The following ACYP2 variants were observed in gnomAD, a reference collection of about 807,000 sequenced individuals.
ACYP2 encodes acylphosphatase 2.
A neutral mutation model predicts 11.2 loss-of-function variants in ACYP2; 12 were observed. The observed-to-expected ratio is 1.08, with a 90% confidence interval of 0.69 to 1.74. ACYP2 has a LOEUF of 1.74. Among genes scored for constraint, ACYP2 ranks in the 40% most tolerant of loss-of-function variants. The probability of loss-of-function intolerance (pLI) is 0.00; values close to 1 mark genes in which losing one functional copy is unlikely to be tolerated. For synonymous variants in ACYP2, 43 were observed against 32.2 expected (o/e 1.33, Z -1.13); for missense variants, 134 against 101.9 (o/e 1.31, Z -1.35).
intron 6 of ACYP2, among the ~76,000 whole-genome samples, chr2:54,196,778 C>T (rs1482271126): frequency 1.3e-5 from 2 of 152,196 alleles, no homozygotes; most frequent in Non-Finnish European, 2.9e-5. Flanking sequence ...GGGATGAAAT[C>T]GCCCCCAGAG....
chr2:54,003,628 T>C (rs890698936), intron 2 of ACYP2, among the ~76,000 whole-genome samples: 3 of 152,216 alleles, frequency 2.0e-5, no homozygotes, highest in Non-Finnish European at 2.9e-5. Flanking sequence ...TATATATCCA[T>C]TTACCTATTG....
chr2:54,231,944 T>G lies in ACYP2; in HGVS notation c.405-72744T>G, dbSNP rs529516404. Among the ~76,000 whole-genome samples, 34 of 152,372 alleles carry G rather than the reference T, an allele frequency of 2.2e-4. No homozygotes were observed. In the East Asian group the frequency reaches 6.4e-3, roughly 28 times the overall value. On this transcript the variant is annotated intron_variant, in intron 6 of 6. Transcript: ENST00000607452. ...AATCCTTTCAGGAAATTTTGGTTTC[T>G]GACTTTCTACCATGACTTTGACCTA...
intron 6 of ACYP2, among the ~76,000 whole-genome samples, chr2:54,290,677 T>TCC (rs1013435750): frequency 1.5e-4 from 23 of 151,954 alleles, no homozygotes; most frequent in African/African-American, 5.6e-4. Context: ...GCTAATGGCA[T>TCC]CCCCCAACCC....
At chr2:54,071,587 T>C (rs1272051333) in intron 4 of ACYP2, among the ~76,000 whole-genome samples, 4 of 152,120 alleles carry the variant, frequency 2.6e-5, no homozygotes, top group Non-Finnish European at 5.9e-5. Context: ...CACCTCGGCC[T>C]TCTGAGTAGC....
intron 2 of ACYP2, among the ~76,000 whole-genome samples, chr2:54,031,864 A>C (rs571264601): frequency 5.3e-5 from 8 of 152,260 alleles, no homozygotes; most frequent in East Asian, 3.9e-4. Context: ...ATTTGCATTT[A>C]TCTGATGGCC....
At chr2:54,211,038 C>T (rs1001251553) in intron 6 of ACYP2, among the ~76,000 whole-genome samples, 3 of 152,188 alleles carry the variant, frequency 2.0e-5, no homozygotes, top group Non-Finnish European at 4.4e-5. Flanking sequence ...GTACAGATTT[C>T]CCTGAAGTCA....
intron 6 of ACYP2, among the ~76,000 whole-genome samples, chr2:54,233,157 C>A (rs1376950684): frequency 6.6e-6 from 1 of 151,770 alleles, no homozygotes; most frequent in Non-Finnish European, 1.5e-5. Flanking sequence ...AAGTTACACT[C>A]ATTTTTAAAA....
intron 4 of ACYP2, among the ~76,000 whole-genome samples, chr2:54,060,948 AT>A (rs1292365245): frequency 6.6e-6 from 1 of 151,904 alleles, no homozygotes; most frequent in East Asian, 1.9e-4. Flanking sequence ...GTTTTATACC[AT>A]TTTTAGATGA....
intron 6 of ACYP2, among the ~76,000 whole-genome samples, chr2:54,175,456 T>C (rs1683418593): frequency 1.3e-5 from 2 of 152,128 alleles, no homozygotes; most frequent in African/African-American, 4.8e-5. Flanking sequence ...GGTCTATCAA[T>C]TTTGTTGATC....
At chr2:54,244,419 C>G (rs1485751073) in intron 6 of ACYP2, among the ~76,000 whole-genome samples, 2 of 152,120 alleles carry the variant, frequency 1.3e-5, no homozygotes, top group African/African-American at 4.8e-5. Flanking sequence ...CCAGGCTTGT[C>G]TCGAACTCCT....
intron 6 of ACYP2, among the ~76,000 whole-genome samples, chr2:54,157,485 T>A (rs1285629910): frequency 1.3e-5 from 2 of 152,208 alleles, no homozygotes; most frequent in Non-Finnish European, 2.9e-5. Flanking sequence ...TTTCTGCAGT[T>A]TTTTTGCTAT....
intron 6 of ACYP2, among the ~76,000 whole-genome samples, chr2:54,183,038 C>CA (rs1386670418): frequency 6.6e-6 from 1 of 152,172 alleles, no homozygotes; most frequent in Non-Finnish European, 1.5e-5. Context: ...ATAAACGGCC[C>CA]ACGATCCTTA....
intron 6 of ACYP2, among the ~76,000 whole-genome samples, chr2:54,295,268 C>T (rs1461200861): frequency 6.6e-6 from 1 of 152,200 alleles, no homozygotes. Flanking sequence ...TCACCTGCTT[C>T]TATTCGGGTC....
At chr2:54,060,254 C>CTCTTTTTGGCTA (rs1310024964) in intron 4 of ACYP2, among the ~76,000 whole-genome samples, 1 of 151,958 alleles carries the variant, frequency 6.6e-6, no homozygotes, top group Non-Finnish European at 1.5e-5. Flanking sequence ...ATTTTTTTCT[C>CTCTTTTTGGCTA]TCTTTTTGGC....
intron 6 of ACYP2, among the ~76,000 whole-genome samples, chr2:54,236,140 T>C (rs1289509922): frequency 1.3e-5 from 2 of 152,164 alleles, no homozygotes; most frequent in African/African-American, 4.8e-5. Context: ...CTCACCATGT[T>C]GCCCAGGCTG....
chr2:54,066,353 C>G (rs553448757), intron 4 of ACYP2, among the ~76,000 whole-genome samples: 31 of 152,330 alleles, frequency 2.0e-4, no homozygotes, highest in Non-Finnish European at 1.3e-4. Context: ...TTTCTTGAGG[C>G]CTCGCCAGAC....
chr2:54,224,576 G>C (rs1270700041), intron 6 of ACYP2, among the ~76,000 whole-genome samples: 1 of 152,222 alleles, frequency 6.6e-6, no homozygotes, highest in Non-Finnish European at 1.5e-5. Flanking sequence ...TGTAAAATAG[G>C]TGAAGGGTGG....
chr2:54,032,776 A>G (rs1254626530), intron 2 of ACYP2, among the ~76,000 whole-genome samples: 1 of 152,164 alleles, frequency 6.6e-6, no homozygotes, highest in Non-Finnish European at 1.5e-5. Context: ...GATGTGATGG[A>G]CCTCTTCAAG....
intron 4 of ACYP2, among the ~76,000 whole-genome samples, chr2:54,086,777 T>G (rs1677970043): frequency 6.6e-6 from 1 of 152,258 alleles, no homozygotes; most frequent in Admixed American, 6.5e-5. Context: ...TCCTAAACTC[T>G]TGTTCCCATT....
Sources: gnomAD v4.1 joint callset for allele counts (sites outside exome capture counted in the v4.1 genomes callset) on GRCh38, gnomAD v4.1.1 for gene constraint, MANE v1.5 for transcripts, NCBI Gene and HGNC (gene_info 2026-07-23, HGNC 2026-07-21) for gene names.